The following TAF3 variants were observed in gnomAD, a reference collection of about 807,000 sequenced individuals.
TAF3 encodes transcription initiation factor TFIID subunit 3.
TAF3 carries 7 observed loss-of-function variants against 80.6 expected under a neutral mutation model. The observed-to-expected ratio is 0.09, with a 90% CI of 0.05 to 0.16. TAF3 has a LOEUF of 0.16. TAF3 is among the 10% of genes least tolerant of loss of function. TAF3 has a pLI of 1.00. For synonymous variants in TAF3, 444 were observed against 446.1 expected, an observed-to-expected ratio of 1.00 and a Z score of 0.06; for missense variants, 921 against 1,140.2, an observed-to-expected ratio of 0.81 and a Z score of 2.77.
intron 2 of TAF3, among the ~76,000 whole-genome samples, chr10:7,868,874 G>A (rs926760566): frequency 6.6e-6 from 1 of 152,126 alleles, no homozygotes; most frequent in African/African-American, 2.4e-5. Flanking sequence ...CATACTTAGA[G>A]AACTCTAAAT....
intron 3 of TAF3, among the ~76,000 whole-genome samples, 190 bp downstream of exon 3, chr10:7,965,932 C>T (rs2131413773): frequency 6.6e-6 from 1 of 152,280 alleles, no homozygotes; most frequent in East Asian, 1.9e-4. Flanking sequence ...AAGCCCTCAA[C>T]ACACTAGCAG....
chr10:7,846,331 T>A lies in TAF3; in HGVS notation c.409+21771T>A, dbSNP rs1347762583. ...GTATTGTATTAATTTACAGTACTACTGGTAATATAGAATACCCATTATATT... is the reference window on the plus strand; with the variant it reads ...GTATTGTATTAATTTACAGTACTACAGGTAATATAGAATACCCATTATATT... On this transcript the variant is annotated intron_variant, in intron 2 of 6. Transcript: ENST00000344293. Among the ~76,000 whole-genome samples the A allele has an allele frequency of 2.6e-5, 4 of 152,260 alleles. No individual in the cohort carries two copies. The East Asian group carries it at 7.7e-4, about 29-fold the overall frequency.
intron 1 of TAF3, among the ~76,000 whole-genome samples, chr10:7,819,201 C>A (rs1165359407): frequency 1.3e-5 from 2 of 152,014 alleles, no homozygotes; most frequent in African/African-American, 4.8e-5. Flanking sequence ...GGTAGATCCA[C>A]CCCCAGCGTG....
At chr10:7,939,553 A>G (rs913814091) in intron 2 of TAF3, among the ~76,000 whole-genome samples, 1 of 150,056 alleles carries the variant, frequency 6.7e-6, no homozygotes, top group African/African-American at 2.5e-5. Flanking sequence ...AGAAATAGAG[A>G]CAATGTAGGA....
intron 2 of TAF3, among the ~76,000 whole-genome samples, chr10:7,917,831 T>C (rs1279211546): frequency 1.3e-5 from 2 of 152,136 alleles, no homozygotes; most frequent in Non-Finnish European, 2.9e-5. Flanking sequence ...AAATGGACCA[T>C]TGGATTTGGC....
Position 7,964,970 on chromosome 10 carries a change from C to G in TAF3, c.1460C>G (p.Pro487Arg), listed in dbSNP as rs767743363. ...CTGGGAACACCTTCAAATATGCCCCCCAACTTTCCTTATATCTCTTCTCCG... is the reference window on the plus strand; with the variant it reads ...CTGGGAACACCTTCAAATATGCCCCGCAACTTTCCTTATATCTCTTCTCCG... ...AKLGTPSNMPPNFPYISSPSV... is the reference protein window; with the variant it reads ...AKLGTPSNMPRNFPYISSPSV... The change falls in exon 3 of 7, where the codon CCC (proline) becomes CGC (arginine). Residue 487 changes from proline (P) to arginine (R), a missense_variant. Physicochemically the swap from Pro to Arg is moderately radical, Grantham distance 103. Coordinates refer to ENST00000344293, the MANE Select transcript of TAF3 (RefSeq NM_031923.4). The surrounding 1 kb of genome is among the most constrained non-coding windows in gnomAD (Gnocchi z 4.1). 1 of 1,614,124 alleles carries G rather than the reference C, an allele frequency of 6.2e-7. No individual in the cohort carries two copies. Among genetic ancestry groups the G allele is most frequent in the South Asian group, 1.1e-5 (1 of 91,078 alleles).
chr10:7,938,563 AAAG>A (rs1837947055), intron 2 of TAF3, among the ~76,000 whole-genome samples: 2 of 152,234 alleles, frequency 1.3e-5, no homozygotes, highest in Admixed American at 1.3e-4. Flanking sequence ...CAGACAAAAA[AAAG>A]AAAACGTGAG....
intron 2 of TAF3, among the ~76,000 whole-genome samples, chr10:7,853,293 CTG>C (rs1837046954): frequency 6.6e-6 from 1 of 152,148 alleles, no homozygotes; most frequent in Admixed American, 6.5e-5. Context: ...TACTATATAA[CTG>C]TGCCTCTGAA....
chr10:7,892,532 G>A lies in TAF3; in HGVS notation c.409+67972G>A, dbSNP rs976516521. ...ATGATTTTTTAAAAAGCAGCATATA[G>A]CATTTTATATCTTTCAATATATTAA... On this transcript the variant is annotated intron_variant, in intron 2 of 6. Coordinates refer to ENST00000344293, the MANE Select transcript of TAF3 (RefSeq NM_031923.4). 1.4e-4 allele frequency among the ~76,000 whole-genome samples: 22 copies of A among 152,294 alleles called. 1 individual carries two copies. The highest frequency in any genetic ancestry group is 1.4e-3 in the Admixed American group (21 of 15,300).
intron 2 of TAF3, among the ~76,000 whole-genome samples, chr10:7,872,541 T>C (rs1837277370): frequency 6.6e-6 from 1 of 152,206 alleles, no homozygotes; most frequent in Non-Finnish European, 1.5e-5. Flanking sequence ...AATTACTCAA[T>C]GGGGAACGTT....
chr10:7,848,490 T>C (rs1836995222), intron 2 of TAF3, among the ~76,000 whole-genome samples: 1 of 152,176 alleles, frequency 6.6e-6, no homozygotes, highest in South Asian at 2.1e-4. Context: ...GTATTACCTG[T>C]ATATGGAGCC....
Position 7,965,703 on chromosome 10 carries a change from G to C in TAF3, c.2193G>C (p.Glu731Asp). The C allele has an allele frequency of 6.4e-7, 1 of 1,557,358 alleles. No individual in the cohort carries two copies. The highest frequency in any genetic ancestry group is 8.6e-7 in the Non-Finnish European group (1 of 1,162,010). ...KEREKEKREREKREKEKEKHK... is the reference protein window; with the variant it reads ...KEREKEKRERDKREKEKEKHK... ...GAGAGAAAGAGAAGAGAGAGCGAGA[G>C]AAGAGAGAAAAAGAGAAGGAGAAAC... The change falls in exon 3 of 7, where the codon GAG becomes GAC. Residue 731 changes from glutamate (E) to aspartate (D), a missense_variant. Physicochemically the swap from Glu to Asp is conservative, Grantham distance 45. Around this residue, in one of 6 missense-constraint regions of TAF3, gnomAD observed 743 missense variants for 821.0 expected, o/e 0.90. Coordinates refer to ENST00000344293, the MANE Select transcript of TAF3 (RefSeq NM_031923.4).
intron 2 of TAF3, among the ~76,000 whole-genome samples, chr10:7,954,741 A>G (rs1838118734): frequency 7.1e-6 from 1 of 140,258 alleles, no homozygotes; most frequent in Admixed American, 7.2e-5. Context: ...GAATGAGTGG[A>G]TTAGTCCTAG....
intron 2 of TAF3, among the ~76,000 whole-genome samples, chr10:7,880,698 G>C (rs1407173935): frequency 6.6e-6 from 1 of 151,812 alleles, no homozygotes; most frequent in Non-Finnish European, 1.5e-5. Flanking sequence ...CCCTCATCTA[G>C]GTGGATTTTT....
At chr10:7,948,043 A>G (rs943044897) in intron 2 of TAF3, among the ~76,000 whole-genome samples, 4 of 151,734 alleles carry the variant, frequency 2.6e-5, no homozygotes, top group Non-Finnish European at 5.9e-5. Flanking sequence ...TTTATTGTTA[A>G]ATATAGTACT....
chr10:7,889,998 A>G (rs916590368), intron 2 of TAF3, among the ~76,000 whole-genome samples: 1 of 152,244 alleles, frequency 6.6e-6, no homozygotes, highest in Admixed American at 6.5e-5. Flanking sequence ...GTTCTGAAAC[A>G]GAAATCTATT....
chr10:7,970,444 T>C (rs909556955), intron 3 of TAF3, among the ~76,000 whole-genome samples: 10 of 152,248 alleles, frequency 6.6e-5, no homozygotes, highest in Middle Eastern at 6.8e-3. Flanking sequence ...CTGTAGCCAG[T>C]GAGGGGAGGG....
chr10:8,013,520 A>G (rs972401154), intron 5 of TAF3, among the ~76,000 whole-genome samples: 2 of 152,216 alleles, frequency 1.3e-5, no homozygotes, highest in South Asian at 2.1e-4. Flanking sequence ...GAAATGCCTT[A>G]TCATTGAACA....
intron 2 of TAF3, among the ~76,000 whole-genome samples, chr10:7,932,826 C>T (rs1014696687): frequency 6.6e-6 from 1 of 151,898 alleles, no homozygotes; most frequent in Non-Finnish European, 1.5e-5. Context: ...TACAGATATG[C>T]ACTACCACAC....
Sources: gnomAD v4.1 joint callset for allele counts (sites outside exome capture counted in the v4.1 genomes callset) on GRCh38, gnomAD v4.1.1 for gene constraint, gnomAD v4.1.1 regional missense constraint, Gnocchi (gnomAD v3.1) non-coding constraint, MANE v1.5 for transcripts, NCBI Gene and HGNC (gene_info 2026-07-23, HGNC 2026-07-21) for gene names.